The following OSBPL3 variants were observed in gnomAD, a reference collection of about 807,000 sequenced individuals.
OSBPL3 encodes the protein oxysterol-binding protein-related protein 3.
OSBPL3 carries 65 observed loss-of-function variants against 120.1 expected under a neutral mutation model. That is an observed-to-expected ratio of 0.54 (90% confidence interval 0.44 to 0.67). The LOEUF (loss-of-function observed/expected upper bound fraction) is 0.67. Among genes scored for constraint, OSBPL3 ranks in the 30% least tolerant of loss-of-function variants. The pLI is 0.00. For missense variants in OSBPL3, 1,004 were observed against 1,082.1 expected, an observed-to-expected ratio of 0.93 and a Z score of 1.01; for synonymous variants, 416 against 402.6, an observed-to-expected ratio of 1.03 and a Z score of -0.40.
At chr7:24,931,222 G>A (rs1374777784) in intron 1 of OSBPL3, among the ~76,000 whole-genome samples, 4 of 152,092 alleles carry the variant, frequency 2.6e-5, no homozygotes, top group Non-Finnish European at 2.9e-5. Flanking sequence ...ATTTAATTTG[G>A]AAAAAAATTC....
At chr7:24,829,144 C>T (rs1448369588) in intron 16 of OSBPL3, among the ~76,000 whole-genome samples, 1 of 152,176 alleles carries the variant, frequency 6.6e-6, no homozygotes, top group East Asian at 1.9e-4. Context: ...TCCTGATTGT[C>T]TGCTGTAGTT....
In OSBPL3 at chr7:24,819,904, A is replaced by G. The variant is rs1420600838; in HGVS notation, c.1948+271T>C. ...AAACCCCTCTGCTGTCTACACTCTG[A>G]TAAACAACTGTAAATATTTAATGTC... On this transcript the variant is annotated intron_variant, in intron 17 of 22. Transcript: ENST00000313367. The surrounding 1 kb of genome is among the most constrained non-coding windows in gnomAD (Gnocchi z 4.1). Among the ~76,000 whole-genome samples, 3 of 152,264 alleles carry G rather than the reference A, an allele frequency of 2.0e-5. No homozygotes were observed. The East Asian group carries it at 5.8e-4, about 29-fold the overall frequency.
intron 16 of OSBPL3, among the ~76,000 whole-genome samples, chr7:24,828,507 C>T (rs1259817644): frequency 6.8e-6 from 1 of 147,858 alleles, no homozygotes; most frequent in Non-Finnish European, 1.5e-5. Context: ...ACTCGGGAGG[C>T]TGAGGTGCGA....
At chr7:24,859,714 T>C (rs73087746) in intron 10 of OSBPL3, among the ~76,000 whole-genome samples, 2,731 of 152,288 alleles carry the variant, frequency 0.018, 46 homozygotes, top group African/African-American at 0.041. Context: ...ATTTATGCAA[T>C]AGAGATCATA....
chr7:24,968,543 C>T lies in OSBPL3; in HGVS notation c.-150+11343G>A, dbSNP rs1384748594. On this transcript the variant is annotated intron_variant, in intron 1 of 22. Transcript: ENST00000313367. This position sits in a 1 kb window ranked among gnomAD's most constrained non-coding sequence, Gnocchi z 4.6. ...TCCTGCGTAGCCGGGATTACAGGCA[C>T]ACACCACCACGCCCAGCTAATTTTT... 6.6e-6 allele frequency among the ~76,000 whole-genome samples: 1 copy of T among 152,198 alleles called. No homozygotes were observed. Among genetic ancestry groups the T allele is most frequent in the African/African-American group, 2.4e-5 (1 of 41,446 alleles).
chr7:24,801,814 T>C (rs1025656245), intron 22 of OSBPL3, among the ~76,000 whole-genome samples: 2 of 150,402 alleles, frequency 1.3e-5, no homozygotes, highest in African/African-American at 2.4e-5. Context: ...TAGGAAAAGT[T>C]TGGTGACTCT....
At chr7:24,812,159 T>A (rs985089323) in intron 19 of OSBPL3, among the ~76,000 whole-genome samples, 6 of 151,828 alleles carry the variant, frequency 4.0e-5, no homozygotes, top group African/African-American at 1.5e-4. Flanking sequence ...ATACAAAAAT[T>A]AGCTGGCTGT....
chr7:24,979,472 C>T (rs934370469), intron 1 of OSBPL3, among the ~76,000 whole-genome samples: 2 of 152,284 alleles, frequency 1.3e-5, no homozygotes, highest in African/African-American at 4.8e-5. Flanking sequence ...CGCCCCATCC[C>T]GCGGATGTGG....
chr7:24,963,087 G>C (rs1815971788), intron 1 of OSBPL3, among the ~76,000 whole-genome samples: 1 of 152,028 alleles, frequency 6.6e-6, no homozygotes, highest in Non-Finnish European at 1.5e-5. Context: ...AAGCTTCTTG[G>C]CATAACTGAT....
rs1397395840 is a variant in OSBPL3, at chr7:24,953,497, TAAATA to T, written c.-150+26384_-150+26388del. On this transcript the variant is annotated intron_variant, in intron 1 of 22. Coordinates refer to ENST00000313367, the MANE Select transcript of OSBPL3 (RefSeq NM_015550.4). The surrounding 1 kb of genome is among the most constrained non-coding windows in gnomAD (Gnocchi z 4.3). ...TGTAATCAGACTTGAATAATCATCTTAAATAAAAGTTTATTAATTGAACATTCATT... is the reference window on the plus strand; with the variant it reads ...TGTAATCAGACTTGAATAATCATCTTAAAGTTTATTAATTGAACATTCATT... Among the ~76,000 whole-genome samples, 1 of 152,244 alleles carries T rather than the reference TAAATA, an allele frequency of 6.6e-6. No homozygotes were observed. The highest frequency in any genetic ancestry group is 1.5e-5 in the Non-Finnish European group (1 of 68,044).
At chr7:24,866,436 G>A (rs988671278) in intron 5 of OSBPL3, among the ~76,000 whole-genome samples, 199 bp from the exon 6 acceptor site, 4 of 152,076 alleles carry the variant, frequency 2.6e-5, no homozygotes, top group Non-Finnish European at 5.9e-5. Flanking sequence ...CCAGGAGTTC[G>A]AGACCACCCT....
rs74915635 is a variant in OSBPL3 at position 24,932,564 on chromosome 7, C to T, written c.-149-39943G>A. 6.6e-6 allele frequency among the ~76,000 whole-genome samples: 1 copy of T among 152,082 alleles called. No individual in the cohort carries two copies. Among genetic ancestry groups the T allele is most frequent in the African/African-American group, 2.4e-5 (1 of 41,402 alleles). On this transcript the variant is annotated intron_variant, in intron 1 of 22. Coordinates refer to ENST00000313367, the MANE Select transcript of OSBPL3 (RefSeq NM_015550.4). This position sits in a 1 kb window ranked among gnomAD's most constrained non-coding sequence, Gnocchi z 5.6. ...AGAGCCCTCATGAATGGGACTAGTG[C>T]CCTTTTAAAGATTCCCCACAGAGCT...
At chr7:24,957,040 C>G (rs1815148046) in intron 1 of OSBPL3, among the ~76,000 whole-genome samples, 2 of 152,272 alleles carry the variant, frequency 1.3e-5, no homozygotes, top group South Asian at 4.1e-4. Flanking sequence ...TTGCCTGGTG[C>G]TATGCAGGTA....
chr7:24,824,582 G>A lies in OSBPL3; in HGVS notation c.1885-4344C>T, dbSNP rs1307359776. Among the ~76,000 whole-genome samples the A allele has an allele frequency of 6.6e-6, 1 of 152,074 alleles. No individual in the cohort carries two copies. Among genetic ancestry groups the A allele is most frequent in the Non-Finnish European group, 1.5e-5 (1 of 68,028 alleles). ...AAGTCATCCAGAGAGGGGACCAAGT[G>A]GCCATTCTTTCCAGGTCACTCATCA... On this transcript the variant is annotated intron_variant, in intron 16 of 22. Transcript: ENST00000313367. The surrounding 1 kb of genome is among the most constrained non-coding windows in gnomAD (Gnocchi z 4.9).
chr7:24,976,308 C>T (rs2128549858), intron 1 of OSBPL3, among the ~76,000 whole-genome samples: 1 of 152,224 alleles, frequency 6.6e-6, no homozygotes, highest in South Asian at 2.1e-4. Context: ...TGTAAGCCAC[C>T]CAAGAATTTT....
At chr7:24,904,761 T>C (rs140833964) in intron 1 of OSBPL3, among the ~76,000 whole-genome samples, 3 of 150,998 alleles carry the variant, frequency 2.0e-5, no homozygotes, top group African/African-American at 7.3e-5. Flanking sequence ...GAAGGACAAA[T>C]ACGGCATGAT....
In OSBPL3 at chr7:24,947,814, T is replaced by C. The variant is rs1167057118; in HGVS notation, c.-150+32072A>G. On this transcript the variant is annotated intron_variant, in intron 1 of 22. Transcript: ENST00000313367. The surrounding 1 kb of genome is among the most constrained non-coding windows in gnomAD (Gnocchi z 4.4). ...CACACACACACACACACACACTCATTGCATACTACCCATGTGCCAGATTCT... is the reference window on the plus strand; with the variant it reads ...CACACACACACACACACACACTCATCGCATACTACCCATGTGCCAGATTCT... 6.7e-6 allele frequency among the ~76,000 whole-genome samples: 1 copy of C among 148,692 alleles called. No individual in the cohort carries two copies. Among genetic ancestry groups the C allele is most frequent in the African/African-American group, 2.6e-5 (1 of 38,738 alleles).
At chr7:24,897,787 C>T (rs1038778305) in intron 1 of OSBPL3, among the ~76,000 whole-genome samples, 2 of 152,228 alleles carry the variant, frequency 1.3e-5, no homozygotes, top group African/African-American at 2.4e-5. Flanking sequence ...TTCATCACCA[C>T]TAGCTCTCCA....
rs1330857640 is a variant in OSBPL3, at chr7:24,798,728, C to T, written c.*1455G>A. ...TATTTTACTCTTCATTCATAACATT[C>T]GATATGCTCTGAATTTCTTTAAGTA... is the stretch of plus-strand genomic sequence containing the variant. On this transcript the variant is annotated 3_prime_UTR_variant, in exon 23 of 23. Coordinates refer to ENST00000313367, the MANE Select transcript of OSBPL3 (RefSeq NM_015550.4). This position sits in a 1 kb window ranked among gnomAD's most constrained non-coding sequence, Gnocchi z 4.6. 6.6e-6 allele frequency: 1 copy of T among 152,592 alleles called. No individual in the cohort carries two copies. The highest frequency in any genetic ancestry group is 2.4e-5 in the African/African-American group (1 of 41,438). 9.5% of individuals were successfully genotyped at this position (152,592 alleles called of 1,614,324 possible). A position where few individuals can be genotyped will look rare whatever the true frequency, so the allele number is the denominator to read the frequency against.
Sources: gnomAD v4.1 joint callset for allele counts (sites outside exome capture counted in the v4.1 genomes callset) on GRCh38, gnomAD v4.1.1 for gene constraint, Gnocchi (gnomAD v3.1) non-coding constraint, MANE v1.5 for transcripts, NCBI Gene and HGNC (gene_info 2026-07-23, HGNC 2026-07-21) for gene names.